Variants in FABP7 observed in about 807,000 individuals in gnomAD.
FABP7 encodes the protein fatty acid binding protein 7, also known as fatty acid-binding protein, brain.
In FABP7, 13 loss-of-function variants were observed where a neutral mutation model predicts 14.2. The ratio of observed to expected loss-of-function variants is 0.91; its 90% confidence interval spans 0.59 to 1.45. The LOEUF (loss-of-function observed/expected upper bound fraction) is 1.45. Among genes scored for constraint, FABP7 ranks in the 40% most tolerant of loss-of-function variants. The probability of loss-of-function intolerance (pLI) is 0.00; values close to 1 mark genes in which losing one functional copy is unlikely to be tolerated. For synonymous variants in FABP7, 49 were observed against 51.4 expected, an observed-to-expected ratio of 0.95 and a Z score of 0.20; for missense variants, 149 against 157.6, an observed-to-expected ratio of 0.95 and a Z score of 0.29.
upstream of FABP7, among the ~76,000 whole-genome samples, chr6:122,775,703 AC>A (rs1367287347): frequency 2.6e-3 from 250 of 97,548 alleles, 3 homozygotes; most frequent in East Asian, 0.012. Flanking sequence ...AACAACAACA[AC>A]AAAAAAAACA....
the FABP7 span, among the ~76,000 whole-genome samples, chr6:122,756,394 T>C: frequency 6.6e-6 from 1 of 152,212 alleles, no homozygotes; most frequent in Non-Finnish European, 1.5e-5. Flanking sequence ...TTCATTCTAT[T>C]AATGAAGTTG....
the FABP7 span, among the ~76,000 whole-genome samples, chr6:122,767,554 C>G: frequency 6.6e-6 from 1 of 151,484 alleles, no homozygotes; most frequent in Non-Finnish European, 1.5e-5. Context: ...AATTTAAAAC[C>G]CTACTTCTTA....
chr6:122,774,099 C>A, the FABP7 span, among the ~76,000 whole-genome samples: 2 of 152,056 alleles, frequency 1.3e-5, no homozygotes, highest in Admixed American at 1.3e-4. Flanking sequence ...CAGTGGCTCA[C>A]ACCTATAATC....
the FABP7 span, among the ~76,000 whole-genome samples, chr6:122,760,537 G>A: frequency 1.4e-5 from 2 of 145,984 alleles, no homozygotes; most frequent in Non-Finnish European, 3.0e-5. Context: ...TCTGCTCTTT[G>A]TTTTTTTTTT....
At chr6:122,756,167 C>A in the FABP7 span, among the ~76,000 whole-genome samples, 2 of 152,114 alleles carry the variant, frequency 1.3e-5, no homozygotes, top group African/African-American at 2.4e-5. Context: ...AGATAAACTC[C>A]CCTGCATTCT....
chr6:122,765,327 A>G, the FABP7 span, among the ~76,000 whole-genome samples: 1 of 152,066 alleles, frequency 6.6e-6, no homozygotes, highest in Non-Finnish European at 1.5e-5. Context: ...TCCTTTTTTC[A>G]TTAACCAAAT....
the FABP7 span, among the ~76,000 whole-genome samples, chr6:122,760,046 G>A: frequency 1.3e-5 from 2 of 151,670 alleles, no homozygotes; most frequent in Non-Finnish European, 2.9e-5. Flanking sequence ...TTGAACCCAG[G>A]AGGCGGAGGT....
chr6:122,781,870 T>C lies in FABP7; in HGVS notation c.348+676T>C, dbSNP rs1335006666. Reference sequence around the variant, plus strand: ...GATTCTACAACCTCAGCCTCCTAAGTAGCTGGGACCACAGGTGCAAGCCAC... The same window carrying C: ...GATTCTACAACCTCAGCCTCCTAAGCAGCTGGGACCACAGGTGCAAGCCAC... On this transcript the variant is annotated intron_variant, in intron 3 of 3. Transcript: ENST00000368444. The C allele has an allele frequency of 9.7e-6, 4 of 412,142 alleles. No individual in the cohort carries two copies. In the South Asian group the frequency reaches 3.1e-4, roughly 32 times the overall value. 25.5% of individuals were successfully genotyped at this position (412,142 alleles called of 1,614,324 possible).
chr6:122,783,270 G>C, intron 3 of FABP7: 1 of 985,384 alleles, frequency 1.0e-6, no homozygotes, highest in Non-Finnish European at 1.2e-6. Flanking sequence ...TCTTGATTTT[G>C]GAACAAGTCA....
upstream of FABP7, among the ~76,000 whole-genome samples, chr6:122,776,576 G>T (rs1294012884): frequency 6.6e-6 from 1 of 152,160 alleles, no homozygotes; most frequent in Non-Finnish European, 1.5e-5. Context: ...ACACAGTTAG[G>T]TGGAATGAAT....
the FABP7 span, among the ~76,000 whole-genome samples, chr6:122,772,208 T>C: frequency 6.6e-6 from 1 of 152,130 alleles, no homozygotes. Context: ...TTGTTGCATA[T>C]GAATGACCCG....
the FABP7 span, among the ~76,000 whole-genome samples, chr6:122,754,907 T>C: frequency 6.6e-6 from 1 of 152,118 alleles, no homozygotes; most frequent in Admixed American, 6.5e-5. Context: ...TCAATTACAA[T>C]GTTCTCCACC....
chr6:122,756,232 A>T, the FABP7 span, among the ~76,000 whole-genome samples: 2 of 152,090 alleles, frequency 1.3e-5, no homozygotes, highest in Non-Finnish European at 2.9e-5. Flanking sequence ...CCTTTGGCTC[A>T]TTCTTCCCCC....
chr6:122,750,603 GTAT>G, the FABP7 span, among the ~76,000 whole-genome samples: 1 of 152,166 alleles, frequency 6.6e-6, no homozygotes, highest in Admixed American at 6.6e-5. Context: ...TTAGGAAAGT[GTAT>G]TTGGCAAGGT....
chr6:122,773,331 A>G, the FABP7 span, among the ~76,000 whole-genome samples: 14 of 152,190 alleles, frequency 9.2e-5, no homozygotes, highest in Non-Finnish European at 1.9e-4. Flanking sequence ...AAATACTCCT[A>G]AGGAAAAATC....
the FABP7 span, among the ~76,000 whole-genome samples, chr6:122,760,719 C>A: frequency 6.6e-6 from 1 of 151,800 alleles, no homozygotes; most frequent in African/African-American, 2.4e-5. Context: ...TTCTTTTTTA[C>A]AAACAGCAAA....
At chr6:122,775,126 T>C (rs569196577), upstream of FABP7, among the ~76,000 whole-genome samples, 3 of 152,186 alleles carry the variant, frequency 2.0e-5, no homozygotes, top group Middle Eastern at 3.4e-3. Flanking sequence ...AAAATACCAA[T>C]GACATTCTTC....
At chr6:122,778,003 C>T (rs1193368258), upstream of FABP7, among the ~76,000 whole-genome samples, 3 of 151,996 alleles carry the variant, frequency 2.0e-5, no homozygotes, top group Admixed American at 6.6e-5. Flanking sequence ...GCTTTTTGAG[C>T]TGAACCAATG....
chr6:122,775,737 C>T (rs7382525), upstream of FABP7, among the ~76,000 whole-genome samples: 115,440 of 151,320 alleles, frequency 0.76, 47,224 homozygotes, highest in Non-Finnish European at 0.9. Context: ...CTAAACAAAG[C>T]GGAGAGAAAA....
Sources: gnomAD v4.1 joint callset for allele counts (sites outside exome capture counted in the v4.1 genomes callset) on GRCh38, gnomAD v4.1.1 for gene constraint, MANE v1.5 for transcripts, NCBI Gene and HGNC (gene_info 2026-07-23, HGNC 2026-07-21) for gene names.